The following ERO1B variants were observed in gnomAD, a reference collection of about 807,000 sequenced individuals.
ERO1B encodes ERO1-like protein beta.
In ERO1B, 49 loss-of-function variants were observed where a neutral mutation model predicts 75.3. That is an observed-to-expected ratio of 0.65 (90% CI 0.52 to 0.83). ERO1B has a LOEUF of 0.83. ERO1B is among the 40% of genes least tolerant of loss of function. The pLI, the probability that ERO1B is intolerant of heterozygous loss-of-function variation, is 0.00. For synonymous variants in ERO1B, 191 were observed against 192.9 expected (o/e 0.99, Z 0.08); for missense variants, 512 against 560.1 (o/e 0.91, Z 0.87).
intron 6 of ERO1B, among the ~76,000 whole-genome samples, chr1:236,239,809 G>GTATATATATATATATGTGTATATATA (rs1364038644): frequency 6.3e-5 from 3 of 47,262 alleles, no homozygotes; most frequent in East Asian, 9.5e-4. Flanking sequence ...ATATATATGT[G>GTATATATATATATATGTGTATATATA]TGTATATATA....
chr1:236,238,990 T>G (rs866171608), intron 6 of ERO1B, among the ~76,000 whole-genome samples: 2 of 152,132 alleles, frequency 1.3e-5, no homozygotes, highest in Non-Finnish European at 2.9e-5. Flanking sequence ...CTTACTTTGT[T>G]GTGCAGGCTG....
In ERO1B at chr1:236,231,900, C is replaced by G. The variant is rs16833508; in HGVS notation, c.685+928G>C. On this transcript the variant is annotated intron_variant, in intron 9 of 15. Transcript: ENST00000354619. ...CCCAACGTACTAAAAAATATGGCCT[C>G]TATCAATCTAATTTAAACTACCACT... 5.2e-3 allele frequency among the ~76,000 whole-genome samples: 790 copies of G among 152,268 alleles called. 11 individuals carry two copies. Among genetic ancestry groups the G allele is most frequent in the African/African-American group, 0.017 (699 of 41,546 alleles).
chr1:236,275,651 G>T (rs150339953), intron 1 of ERO1B, among the ~76,000 whole-genome samples: 1 of 152,138 alleles, frequency 6.6e-6, no homozygotes, highest in African/African-American at 2.4e-5. Context: ...TAATCACTTG[G>T]GTCTTTGTGG....
chr1:236,253,335 G>A, intron 3 of ERO1B, 87 bp downstream of exon 3: 1 of 764,520 alleles, frequency 1.3e-6, no homozygotes, highest in Non-Finnish European at 2.2e-6. Context: ...CAAATCCATT[G>A]ACATTAGCCT....
chr1:236,281,624 G>A, intron 1 of ERO1B, 58 bp downstream of exon 1: 3 of 1,181,492 alleles, frequency 2.5e-6, no homozygotes, highest in Non-Finnish European at 2.2e-6. Flanking sequence ...CGCGGCCCGT[G>A]TGTAGCGGCC....
chr1:236,215,535 G>A lies in ERO1B; in HGVS notation c.*2981C>T, dbSNP rs1188348264. On this transcript the variant is annotated 3_prime_UTR_variant, in exon 16 of 16. Transcript: ENST00000354619. Reference sequence around the variant, plus strand: ...AAAAAGAAACACTTAAAATAGCGGGGAAAAACAAGACAGAAAAGATTGCAG... The same window carrying A: ...AAAAAGAAACACTTAAAATAGCGGGAAAAAACAAGACAGAAAAGATTGCAG... The A allele has an allele frequency of 2.0e-5, 3 of 152,080 alleles. No homozygotes were observed. The highest frequency in any genetic ancestry group is 4.4e-5 in the Non-Finnish European group (3 of 68,014). The allele number at this position is 152,080 out of a possible 1,614,324, so 9.4% of individuals were successfully genotyped here.
intron 9 of ERO1B, 135 bp downstream of exon 9, chr1:236,232,693 T>C: frequency 3.8e-6 from 2 of 521,156 alleles, no homozygotes; most frequent in Non-Finnish European, 3.2e-6. Flanking sequence ...TTTTTTTTGG[T>C]CACCATTCAT....
chr1:236,271,384 C>T (rs911690028), intron 1 of ERO1B, among the ~76,000 whole-genome samples: 2 of 152,116 alleles, frequency 1.3e-5, no homozygotes, highest in African/African-American at 4.8e-5. Flanking sequence ...AGAGTTAGGG[C>T]TATATTATCT....
rs371317750 is a variant in ERO1B, at chr1:236,268,560, T to G, written c.222+1315A>C. 2.0e-5 allele frequency among the ~76,000 whole-genome samples: 3 copies of G among 152,300 alleles called. No homozygotes were observed. The East Asian group carries it at 5.8e-4, about 29-fold the overall frequency. The stretch of plus-strand genomic sequence containing the variant: ...TGAAGCCAGGAATTTGAGATCGGCC[T>G]GGGCAAACATGGCAAGACCCTGTCT... On this transcript the variant is annotated intron_variant, in intron 2 of 15. Transcript: ENST00000354619.
chr1:236,270,012 T>C lies in ERO1B; in HGVS notation c.103-18A>G, dbSNP rs1665557425. 2.0e-6 allele frequency: 3 copies of C among 1,521,226 alleles called. No individual in the cohort carries two copies. The highest frequency in any genetic ancestry group is 2.4e-5 in the South Asian group (2 of 82,306). 94.2% of individuals were successfully genotyped at this position (1,521,226 alleles called of 1,614,324 possible). On this transcript the variant is annotated intron_variant, in intron 1 of 15. Transcript: ENST00000354619. ...CCAGTGACCTAGAATTTATATAATT[T>C]AAAATATGTAAACTACTGATGTTTC...
At chr1:236,235,985 C>T (rs1433785122) in intron 7 of ERO1B, 150 bp from the exon 8 acceptor site, 35 of 720,936 alleles carry the variant, frequency 4.9e-5, no homozygotes, top group African/African-American at 1.8e-4. Context: ...AGTACAGTGG[C>T]GCAATCTCTG....
rs1665835696 is a variant in ERO1B, at chr1:236,281,728, T to C, written c.56A>G (p.Gln19Arg). ...CAGGAAGCTCAGGGTGACCAGCAGCTGCACCGCGGCCGCTACCCCCTGCCC... is the reference window on the plus strand; with the variant it reads ...CAGGAAGCTCAGGGTGACCAGCAGCCGCACCGCGGCCGCTACCCCCTGCCC... ...GAGQGVAAAV[Q>R]LLVTLSFLRS... The change falls in exon 1 of 16, where the codon CAG becomes CGG. Residue 19 changes from glutamine (Q) to arginine (R), a missense_variant. Gln to Arg is a conservative substitution (Grantham distance 43, BLOSUM62 1). Coordinates refer to ENST00000354619, the MANE Select transcript of ERO1B (RefSeq NM_019891.4). The C allele has an allele frequency of 6.6e-7, 1 of 1,515,672 alleles. No homozygotes were observed. The highest frequency in any genetic ancestry group is 1.8e-4 in the Middle Eastern group (1 of 5,670). 93.9% of individuals were successfully genotyped at this position (1,515,672 alleles called of 1,614,324 possible). A position where few individuals can be genotyped will look rare whatever the true frequency, so the allele number is the denominator to read the frequency against.
chr1:236,259,620 A>G (rs995018856), intron 2 of ERO1B, among the ~76,000 whole-genome samples: 1 of 152,244 alleles, frequency 6.6e-6, no homozygotes, highest in Admixed American at 6.5e-5. Flanking sequence ...ACTTTAAGTC[A>G]AACATGTAAA....
intron 2 of ERO1B, 132 bp downstream of exon 2, chr1:236,269,743 C>T (rs755515058): frequency 7.5e-6 from 5 of 664,922 alleles, no homozygotes; most frequent in Non-Finnish European, 1.3e-5. Flanking sequence ...GTTTCCACTG[C>T]AATACATAAT....
intron 9 of ERO1B, among the ~76,000 whole-genome samples, chr1:236,232,444 A>G: frequency 6.6e-6 from 1 of 152,186 alleles, no homozygotes; most frequent in African/African-American, 2.4e-5. Flanking sequence ...TAAGTATTAT[A>G]TTGATACCTG....
At chr1:236,269,427 C>T (rs943578016) in intron 2 of ERO1B, among the ~76,000 whole-genome samples, 5 of 152,166 alleles carry the variant, frequency 3.3e-5, no homozygotes, top group Non-Finnish European at 7.3e-5. Context: ...GCATCACTGT[C>T]GGTAGTGGTC....
chr1:236,266,033 T>C (rs955623583), intron 2 of ERO1B, among the ~76,000 whole-genome samples: 1 of 152,240 alleles, frequency 6.6e-6, no homozygotes, highest in Non-Finnish European at 1.5e-5. Context: ...CTTTTCTCCA[T>C]AGAATTTACC....
chr1:236,276,224 C>T (rs1475121347), intron 1 of ERO1B, among the ~76,000 whole-genome samples: 1 of 152,160 alleles, frequency 6.6e-6, no homozygotes, highest in Non-Finnish European at 1.5e-5. Flanking sequence ...TATTAATCCT[C>T]CAAGTGGAGA....
In ERO1B at chr1:236,281,742, T is replaced by C. The variant is rs1366862444; in HGVS notation, c.42A>G (p.Val14=). ...GVRRAGAGQG[V]AAAVQLLVTL... Reference sequence around the variant, plus strand: ...TGACCAGCAGCTGCACCGCGGCCGCTACCCCCTGCCCAGCGCCTGCCCGGC... The same window carrying C: ...TGACCAGCAGCTGCACCGCGGCCGCCACCCCCTGCCCAGCGCCTGCCCGGC... The change falls in exon 1 of 16, where the codon GTA becomes GTG. Residue 14 remains valine (V), a synonymous_variant. Coordinates refer to ENST00000354619, the MANE Select transcript of ERO1B (RefSeq NM_019891.4). The C allele has an allele frequency of 1.3e-6, 2 of 1,515,318 alleles. No individual in the cohort carries two copies. Among genetic ancestry groups the C allele is most frequent in the Non-Finnish European group, 8.8e-7 (1 of 1,135,034 alleles). 93.9% of individuals were successfully genotyped at this position (1,515,318 alleles called of 1,614,324 possible).
Sources: allele counts gnomAD v4.1 joint callset (sites outside exome capture counted in the v4.1 genomes callset), GRCh38; gene constraint gnomAD v4.1.1; transcripts MANE v1.5; gene names NCBI Gene and HGNC (gene_info 2026-07-23, HGNC 2026-07-21).